The following FAM135A variants were observed in gnomAD, a reference collection of about 807,000 sequenced individuals.
FAM135A encodes protein FAM135A.
In FAM135A, 79 loss-of-function variants were observed where a neutral mutation model predicts 146.8. That is an observed-to-expected ratio of 0.54 (90% CI 0.45 to 0.65). FAM135A has a LOEUF of 0.65. Among genes scored for constraint, FAM135A ranks in the 30% least tolerant of loss-of-function variants. The pLI is 0.00. For missense variants in FAM135A, 1,623 were observed against 1,758.2 expected, an observed-to-expected ratio of 0.92 and a Z score of 1.38; for synonymous variants, 562 against 603.6, an observed-to-expected ratio of 0.93 and a Z score of 1.01.
intron 21 of FAM135A, chr6:70,557,694 CAAAAAAAAAAAA>C (rs1177559650): frequency 3.4e-5 from 2 of 58,138 alleles, no homozygotes; most frequent in Admixed American, 4.1e-4. Flanking sequence ...AACTCTGTCT[CAAAAAAAAAAAA>C]AAAAAAAAAA....
intron 12 of FAM135A, among the ~76,000 whole-genome samples, chr6:70,510,773 G>A (rs1411804108): frequency 6.6e-6 from 1 of 151,824 alleles, no homozygotes; most frequent in Non-Finnish European, 1.5e-5. Flanking sequence ...AGTTATTTGG[G>A]GTATATACCT....
chr6:70,438,075 A>G (rs1316255268), intron 4 of FAM135A, among the ~76,000 whole-genome samples: 1 of 152,226 alleles, frequency 6.6e-6, no homozygotes, highest in Non-Finnish European at 1.5e-5. Flanking sequence ...GCCAGAGTCA[A>G]CATAGCAAAA....
chr6:70,541,263 A>G (rs1236645105), intron 20 of FAM135A, among the ~76,000 whole-genome samples: 2 of 151,730 alleles, frequency 1.3e-5, no homozygotes, highest in Non-Finnish European at 2.9e-5. Flanking sequence ...CCTTTTTCTG[A>G]GAGTGTTGGG....
chr6:70,487,734 G>A (rs1361061357), intron 10 of FAM135A, among the ~76,000 whole-genome samples: 2 of 152,006 alleles, frequency 1.3e-5, no homozygotes, highest in African/African-American at 4.8e-5. Flanking sequence ...TGACATTTTA[G>A]CATTTTTTAG....
At chr6:70,505,223 C>T (rs1402316899) in intron 12 of FAM135A, among the ~76,000 whole-genome samples, 2 of 152,058 alleles carry the variant, frequency 1.3e-5, no homozygotes, top group Non-Finnish European at 2.9e-5. Context: ...TTAACCAATA[C>T]ACTGATCTTC....
At chr6:70,477,831 A>G (rs1425793851) in intron 8 of FAM135A, among the ~76,000 whole-genome samples, 1 of 152,206 alleles carries the variant, frequency 6.6e-6, no homozygotes, top group Non-Finnish European at 1.5e-5. Context: ...TTTAAAATTT[A>G]TAATAAAATT....
At chr6:70,472,377 C>G (rs1255127042) in intron 5 of FAM135A, among the ~76,000 whole-genome samples, 1 of 152,152 alleles carries the variant, frequency 6.6e-6, no homozygotes, top group Non-Finnish European at 1.5e-5. Context: ...CCCGAAGCAT[C>G]TCAAACTTAA....
rs1162077770 is a variant in FAM135A, at chr6:70,534,330, T to TTTTTC, written c.3965+480_3965+481insCTTTT. ...TTGTATACTTTTTTTTTTTTTTTTT[T>TTTTTC]TTTTTTTGAGGCAGGGTGTTGCTCA... On this transcript the variant is annotated intron_variant, in intron 18 of 21. Transcript: ENST00000418814. Among the ~76,000 whole-genome samples the TTTTTC allele has an allele frequency of 1.9e-4, 28 of 143,730 alleles. No homozygotes were observed. The South Asian group carries it at 6.1e-3, about 31-fold the overall frequency. 94.3% of individuals were successfully genotyped at this position (143,730 alleles called of 152,430 possible).
At chr6:70,423,543 C>T (rs1348452080) in intron 2 of FAM135A, among the ~76,000 whole-genome samples, 2 of 152,130 alleles carry the variant, frequency 1.3e-5, no homozygotes, top group African/African-American at 4.8e-5. Context: ...AGTTGGTATT[C>T]CAGCCTGTAA....
intron 2 of FAM135A, among the ~76,000 whole-genome samples, chr6:70,424,178 A>G (rs1190509001): frequency 6.6e-6 from 1 of 152,184 alleles, no homozygotes; most frequent in African/African-American, 2.4e-5. Flanking sequence ...CTCTGTGGCC[A>G]CATCTGAAGT....
rs1425266956 is a variant in FAM135A at position 70,447,637 on chromosome 6, G to C, written c.78-4855G>C. Among the ~76,000 whole-genome samples the C allele has an allele frequency of 2.0e-5, 3 of 152,212 alleles. No homozygotes were observed. The East Asian group carries it at 5.8e-4, about 29-fold the overall frequency. On this transcript the variant is annotated intron_variant, in intron 4 of 21. Transcript: ENST00000418814. ...GAATGGTCTGAGCTGGAAATGCCCT[G>C]GTTTGGAATGGGGCCCAGGATGGGC...
intron 12 of FAM135A, among the ~76,000 whole-genome samples, chr6:70,517,624 G>A (rs1406012974): frequency 6.6e-6 from 1 of 151,920 alleles, no homozygotes; most frequent in Non-Finnish European, 1.5e-5. Context: ...TCACCGTGTT[G>A]GTTAGGCTGG....
intron 12 of FAM135A, among the ~76,000 whole-genome samples, chr6:70,520,656 T>C (rs1793357386): frequency 8.6e-6 from 1 of 116,754 alleles, no homozygotes. Context: ...CATGCCAAAA[T>C]ACATACATAT....
rs769608299 is a variant in FAM135A at position 70,480,881 on chromosome 6, T to C, written c.543-20T>C. The C allele has an allele frequency of 3.7e-5, 59 of 1,599,556 alleles. No homozygotes were observed. The highest frequency in any genetic ancestry group is 5.0e-5 in the Non-Finnish European group (59 of 1,175,048). ...AAATAGACTCGTATGACAATAATAA[T>C]GTAATACTTCTTCCTCCAGCTTTCC... On this transcript the variant is annotated intron_variant, in intron 8 of 21. Transcript: ENST00000418814.
chr6:70,450,707 C>T (rs1776821042), intron 4 of FAM135A, among the ~76,000 whole-genome samples: 1 of 91,448 alleles, frequency 1.1e-5, no homozygotes, highest in Admixed American at 1.2e-4. Flanking sequence ...GAGTGTGACC[C>T]TTTTAGTTGT....
chr6:70,557,828 A>T (rs759033159), intron 21 of FAM135A: 5 of 152,278 alleles, frequency 3.3e-5, no homozygotes, highest in Non-Finnish European at 4.4e-5. Flanking sequence ...CAGCTCCTTA[A>T]GGCAAGAACT....
chr6:70,429,873 CAGA>C (rs2127784937), intron 4 of FAM135A, among the ~76,000 whole-genome samples: 1 of 150,722 alleles, frequency 6.6e-6, no homozygotes, highest in East Asian at 1.9e-4. Context: ...GTGGGACTAA[CAGA>C]AGAAGTAGAG....
intron 5 of FAM135A, 144 bp from the exon 6 acceptor site, chr6:70,475,266 C>A: frequency 1.7e-6 from 1 of 599,836 alleles, no homozygotes; most frequent in Admixed American, 3.9e-5. Flanking sequence ...AGTAAACTTT[C>A]AGAAATGTTC....
At chr6:70,512,206 C>T (rs998447543) in intron 12 of FAM135A, among the ~76,000 whole-genome samples, 16 of 151,572 alleles carry the variant, frequency 1.1e-4, no homozygotes, top group African/African-American at 3.9e-4. Context: ...TTAGATTAGC[C>T]CATGTTGTAT....
Sources: gnomAD v4.1 joint callset for allele counts (sites outside exome capture counted in the v4.1 genomes callset) on GRCh38, gnomAD v4.1.1 for gene constraint, MANE v1.5 for transcripts, NCBI Gene and HGNC (gene_info 2026-07-23, HGNC 2026-07-21) for gene names.